Variants in FAM117B observed in about 807,000 individuals in gnomAD.
The protein encoded by FAM117B is protein FAM117B.
In FAM117B, 22 loss-of-function variants were observed where a neutral mutation model predicts 52.8. That is an observed-to-expected ratio of 0.42 (90% CI 0.30 to 0.59). FAM117B has a LOEUF of 0.59. Among genes scored for constraint, FAM117B ranks in the 20% least tolerant of loss-of-function variants. FAM117B has a pLI of 0.22. For synonymous variants in FAM117B, 309 were observed against 324.1 expected (o/e 0.95, Z 0.50); for missense variants, 678 against 802.6 (o/e 0.84, Z 1.88).
chr2:202,678,292 C>G (rs1194423589), intron 1 of FAM117B, among the ~76,000 whole-genome samples: 2 of 152,106 alleles, frequency 1.3e-5, no homozygotes, highest in Non-Finnish European at 2.9e-5. Context: ...AGAGGAAACC[C>G]TGTGTGCGGT....
At chr2:202,754,577 T>C (rs1435066870) in intron 4 of FAM117B, among the ~76,000 whole-genome samples, 1 of 151,990 alleles carries the variant, frequency 6.6e-6, no homozygotes, top group Admixed American at 6.6e-5. Context: ...TGTAAATACC[T>C]GAGACTGGGT....
intron 1 of FAM117B, among the ~76,000 whole-genome samples, chr2:202,650,804 A>C (rs777786639): frequency 1.4e-4 from 22 of 152,172 alleles, no homozygotes; most frequent in Non-Finnish European, 2.9e-4. Context: ...AGACTCAGCA[A>C]GTCCGCTCTT....
chr2:202,712,597 T>C (rs1301455023), intron 2 of FAM117B, among the ~76,000 whole-genome samples: 1 of 152,042 alleles, frequency 6.6e-6, no homozygotes, highest in Admixed American at 6.6e-5. Context: ...TGAGTAACAG[T>C]GGTGAAAGTG....
chr2:202,717,352 A>G (rs1248076999), intron 2 of FAM117B, among the ~76,000 whole-genome samples: 1 of 152,170 alleles, frequency 6.6e-6, no homozygotes, highest in Non-Finnish European at 1.5e-5. Flanking sequence ...ATATGCCTAT[A>G]GTCTCAGCTA....
intron 1 of FAM117B, among the ~76,000 whole-genome samples, chr2:202,678,038 GTTTAA>G (rs1690404093): frequency 6.6e-6 from 1 of 152,180 alleles, no homozygotes; most frequent in East Asian, 1.9e-4. Flanking sequence ...TCAGGAGTCA[GTTTAA>G]TTTAAAGTGT....
At chr2:202,683,021 G>C (rs1371426783) in intron 1 of FAM117B, among the ~76,000 whole-genome samples, 1 of 152,186 alleles carries the variant, frequency 6.6e-6, no homozygotes. Context: ...AAAGGTAACA[G>C]AATCCAGTGA....
rs1407882035 is a variant in FAM117B, at chr2:202,691,696, T to TGC, written c.602-4184_602-4183insCG. Reference sequence around the variant, plus strand: ...GTGTGTGTGTGTGTGTGTGTGTGTGTGTGCGCGCGCGCCTCCCCACCCTGC... The same window carrying TGC: ...GTGTGTGTGTGTGTGTGTGTGTGTGTGCGTGCGCGCGCGCCTCCCCACCCTGC... On this transcript the variant is annotated intron_variant, in intron 1 of 7. Coordinates refer to ENST00000392238, the MANE Select transcript of FAM117B (RefSeq NM_173511.4). Among the ~76,000 whole-genome samples the TGC allele has an allele frequency of 6.7e-3, 874 of 129,482 alleles. 5 individuals are homozygous for TGC. The highest frequency in any genetic ancestry group is 0.019 in the East Asian group (73 of 3,770). The allele number at this position is 129,482 out of a possible 152,430, so 84.9% of individuals were successfully genotyped here. A position where few individuals can be genotyped will look rare whatever the true frequency, so the allele number is the denominator to read the frequency against.
intron 1 of FAM117B, among the ~76,000 whole-genome samples, chr2:202,675,103 C>T (rs142368142): frequency 3.0e-4 from 45 of 151,910 alleles, no homozygotes; most frequent in South Asian, 1.5e-3. Context: ...GGCATGGTGG[C>T]GCATGCCTGT....
chr2:202,722,750 A>C (rs969705970), intron 2 of FAM117B, among the ~76,000 whole-genome samples: 59 of 152,248 alleles, frequency 3.9e-4, no homozygotes, highest in African/African-American at 1.4e-3. Context: ...GTGACGAAAT[A>C]ATCTGTACAA....
intron 2 of FAM117B, among the ~76,000 whole-genome samples, chr2:202,712,515 C>T (rs900181698): frequency 7.1e-6 from 1 of 140,872 alleles, no homozygotes; most frequent in Admixed American, 7.6e-5. Flanking sequence ...TTGACTTCTT[C>T]CATTACAGTT....
rs370405842 is a variant in FAM117B, at chr2:202,651,200, T to C, written c.601+15412T>C. ...CCTCAGCCTCCAGAGTAGATGGGAT[T>C]ACAGGCACCTGTCACCACGCCCAGC... is the stretch of plus-strand genomic sequence containing the variant. On this transcript the variant is annotated intron_variant, in intron 1 of 7. Coordinates refer to ENST00000392238, the MANE Select transcript of FAM117B (RefSeq NM_173511.4). Among the ~76,000 whole-genome samples the C allele has an allele frequency of 3.4e-4, 52 of 152,018 alleles. No individual in the cohort carries two copies. In the South Asian group the frequency reaches 8.5e-3, roughly 25 times the overall value.
At chr2:202,731,757 C>T (rs1196104353) in intron 4 of FAM117B, among the ~76,000 whole-genome samples, 7 of 147,466 alleles carry the variant, frequency 4.7e-5, no homozygotes, top group South Asian at 4.3e-4. Context: ...TTGTTTGCGA[C>T]GGAGTTTCAC....
chr2:202,668,541 A>G (rs974148493), intron 1 of FAM117B, among the ~76,000 whole-genome samples: 14 of 148,602 alleles, frequency 9.4e-5, no homozygotes, highest in Admixed American at 2.0e-4. Flanking sequence ...AAAAAAAAAA[A>G]AAAAAGAAAA....
Position 202,765,750 on chromosome 2 carries a change from G to A in FAM117B, c.1756G>A (p.Glu586Lys), listed in dbSNP as rs1373693639. ...ACTCCCACCACCAGAACCAATTGAG[G>A]AAGCTGAAGGATAGGTCACAGTGCA... Reference protein sequence around the residue: ...SLLPPPEPIEEAEG With the variant: ...SLLPPPEPIEKAEG The change falls in exon 8 of 8, where the codon GAA (glutamate) becomes AAA (lysine). Residue 586 changes from glutamate to lysine, a missense_variant. Coordinates refer to ENST00000392238, the MANE Select transcript of FAM117B (RefSeq NM_173511.4). The A allele has an allele frequency of 6.2e-7, 1 of 1,614,028 alleles. No individual in the cohort carries two copies.
At chr2:202,698,482 G>A (rs1690747264) in intron 2 of FAM117B, among the ~76,000 whole-genome samples, 1 of 152,060 alleles carries the variant, frequency 6.6e-6, no homozygotes, top group South Asian at 2.1e-4. Context: ...GAGTGCAGTG[G>A]CCTGATCTCA....
chr2:202,718,428 G>A (rs376290696), intron 2 of FAM117B, among the ~76,000 whole-genome samples: 2 of 152,106 alleles, frequency 1.3e-5, no homozygotes, highest in Admixed American at 6.6e-5. Flanking sequence ...AGTGAATTTT[G>A]TGAGTTTTTT....
intron 4 of FAM117B, among the ~76,000 whole-genome samples, chr2:202,741,343 C>G (rs1006073933): frequency 7.6e-6 from 1 of 132,178 alleles, no homozygotes; most frequent in Non-Finnish European, 1.6e-5. Context: ...TCACTGAACC[C>G]GGGAGGTGGA....
chr2:202,753,140 A>G (rs943713656), intron 4 of FAM117B, among the ~76,000 whole-genome samples: 1 of 152,240 alleles, frequency 6.6e-6, no homozygotes, highest in African/African-American at 2.4e-5. Context: ...TACAGTAACC[A>G]AAACAGCATG....
intron 1 of FAM117B, among the ~76,000 whole-genome samples, chr2:202,644,873 G>T (rs1374405298): frequency 6.6e-6 from 1 of 152,172 alleles, no homozygotes; most frequent in Non-Finnish European, 1.5e-5. Context: ...TCTGAAATGA[G>T]GATTGCCTTG....
Sources: allele counts gnomAD v4.1 joint callset (sites outside exome capture counted in the v4.1 genomes callset), GRCh38; gene constraint gnomAD v4.1.1; transcripts MANE v1.5; gene names NCBI Gene and HGNC (gene_info 2026-07-23, HGNC 2026-07-21).